MYBL2: variants seen among roughly 807,000 people sequenced by gnomAD.
MYBL2 encodes MYB proto-oncogene like 2.
Under a neutral mutation model 79.9 loss-of-function variants are expected in MYBL2, and 28 were observed. The ratio of observed to expected loss-of-function variants is 0.35; its 90% CI spans 0.26 to 0.48. The LOEUF (loss-of-function observed/expected upper bound fraction) is 0.48, where lower values mean the gene tolerates loss of function less well. Ranked by LOEUF, MYBL2 falls within the 20% of genes least tolerant of loss-of-function variation. MYBL2 has a pLI of 0.99. For synonymous variants in MYBL2, 378 were observed against 361.2 expected (o/e 1.05, Z -0.53); for missense variants, 735 against 893.9 (o/e 0.82, Z 2.27).
At chr20:43,694,824 G>T (rs922255231) in intron 6 of MYBL2, among the ~76,000 whole-genome samples, 1 of 152,110 alleles carries the variant, frequency 6.6e-6, no homozygotes, top group African/African-American at 2.4e-5. Flanking sequence ...AAAGGTCTCC[G>T]TTCCACAAAG....
At chr20:43,669,118 C>T (rs994748650) in intron 1 of MYBL2, among the ~76,000 whole-genome samples, 4 of 152,160 alleles carry the variant, frequency 2.6e-5, no homozygotes, top group African/African-American at 4.8e-5. Flanking sequence ...GGATTACAGG[C>T]GTGAGCCACC....
intron 1 of MYBL2, among the ~76,000 whole-genome samples, chr20:43,668,215 T>G (rs1382016113): frequency 7.1e-6 from 1 of 141,468 alleles, no homozygotes; most frequent in Non-Finnish European, 1.5e-5. Context: ...TTTTTTTTTT[T>G]TTTGAGAAGG....
intron 6 of MYBL2, among the ~76,000 whole-genome samples, chr20:43,694,830 CAA>C (rs1002164237): frequency 1.3e-5 from 2 of 152,172 alleles, no homozygotes; most frequent in Non-Finnish European, 2.9e-5. Context: ...CTCCGTTCCA[CAA>C]AGAGAAACAG....
intron 9 of MYBL2, among the ~76,000 whole-genome samples, chr20:43,708,559 A>T (rs1987839188): frequency 6.6e-6 from 1 of 151,742 alleles, no homozygotes; most frequent in African/African-American, 2.4e-5. Flanking sequence ...TAGCCTCTGG[A>T]GTAGTTGGGA....
At chr20:43,703,932 T>C (rs1342247542) in intron 8 of MYBL2, among the ~76,000 whole-genome samples, 1 of 152,156 alleles carries the variant, frequency 6.6e-6, no homozygotes, top group Non-Finnish European at 1.5e-5. Context: ...TGTGTCCTAA[T>C]CTATTATTTT....
intron 6 of MYBL2, among the ~76,000 whole-genome samples, chr20:43,697,685 C>T (rs757466576): frequency 2.0e-5 from 3 of 151,960 alleles, no homozygotes; most frequent in East Asian, 1.9e-4. Flanking sequence ...AGGCGGATCA[C>T]GAGGTCAGGA....
intron 2 of MYBL2, among the ~76,000 whole-genome samples, chr20:43,678,465 ACT>A (rs1362678913): frequency 1.3e-5 from 2 of 152,112 alleles, no homozygotes; most frequent in African/African-American, 4.8e-5. Context: ...GTTTTTTCTA[ACT>A]CTGAACTGGA....
intron 9 of MYBL2, among the ~76,000 whole-genome samples, chr20:43,707,172 CTCTT>C (rs1405500302): frequency 8.8e-5 from 13 of 147,836 alleles, no homozygotes; most frequent in East Asian, 2.0e-4. Flanking sequence ...AAGCGTGACT[CTCTT>C]TCTAGTTTTT....
intron 9 of MYBL2, among the ~76,000 whole-genome samples, chr20:43,707,161 A>G (rs1239647653): frequency 5.3e-5 from 8 of 150,568 alleles, no homozygotes; most frequent in African/African-American, 2.0e-4. Flanking sequence ...CCTAGGTGAC[A>G]AAGCGTGACT....
chr20:43,670,897 T>C (rs1185833080), intron 1 of MYBL2, among the ~76,000 whole-genome samples: 1 of 152,002 alleles, frequency 6.6e-6, no homozygotes, highest in Admixed American at 6.6e-5. Flanking sequence ...TCGGGTGGAG[T>C]TGGGGAAAGA....
intron 9 of MYBL2, 74 bp downstream of exon 9, chr20:43,705,432 T>G (rs1987758951): frequency 2.0e-6 from 3 of 1,482,054 alleles, no homozygotes; most frequent in Non-Finnish European, 2.7e-6. Context: ...TTGGGACCAC[T>G]GGTGGAACAG....
chr20:43,711,728 G>T, intron 11 of MYBL2, 127 bp downstream of exon 11: 2 of 760,690 alleles, frequency 2.6e-6, no homozygotes, highest in South Asian at 3.6e-5. Flanking sequence ...TATCCCCTTT[G>T]CCCCCTTTCG....
intron 8 of MYBL2, among the ~76,000 whole-genome samples, chr20:43,704,616 T>G (rs1382285292): frequency 2.0e-5 from 3 of 152,092 alleles, no homozygotes; most frequent in African/African-American, 7.2e-5. Flanking sequence ...GAGAGCGGGG[T>G]GCTTCAAAGG....
chr20:43,681,380 G>T (rs1227254853), intron 2 of MYBL2, among the ~76,000 whole-genome samples: 3 of 152,176 alleles, frequency 2.0e-5, no homozygotes, highest in Non-Finnish European at 4.4e-5. Context: ...CATGATAGAT[G>T]GTTGAACTGA....
At chr20:43,670,960 CTTTTTTTTCTTTTTTT>C (rs748570738) in intron 1 of MYBL2, among the ~76,000 whole-genome samples, 21 of 144,534 alleles carry the variant, frequency 1.5e-4, no homozygotes, top group East Asian at 2.0e-4. Flanking sequence ...CCTATGATTT[CTTTTTTTTCTTTTTTT>C]TTTTTTTTTT....
At chr20:43,670,960 C>CTT (rs766959084) in intron 1 of MYBL2, among the ~76,000 whole-genome samples, 1,879 of 144,248 alleles carry the variant, frequency 0.013, 122 homozygotes, top group African/African-American at 0.045. Context: ...CCTATGATTT[C>CTT]TTTTTTTTCT....
intron 2 of MYBL2, among the ~76,000 whole-genome samples, chr20:43,679,923 A>G (rs1987104943): frequency 6.6e-6 from 1 of 152,008 alleles, no homozygotes; most frequent in African/African-American, 2.4e-5. Context: ...AAAAAAAAAA[A>G]AAGGATGGAA....
chr20:43,682,059 C>T (rs1987156381), intron 3 of MYBL2, among the ~76,000 whole-genome samples: 1 of 152,262 alleles, frequency 6.6e-6, no homozygotes, highest in African/African-American at 2.4e-5. Context: ...AAACATCTTC[C>T]AGCTCCTCAG....
At chr20:43,696,778 G>A (rs1987552663) in intron 6 of MYBL2, among the ~76,000 whole-genome samples, 1 of 152,298 alleles carries the variant, frequency 6.6e-6, no homozygotes, top group South Asian at 2.1e-4. Context: ...CCAGGCTGGA[G>A]TGCAGTGGTG....
Sources: gnomAD v4.1 joint callset for allele counts (sites outside exome capture counted in the v4.1 genomes callset) on GRCh38, gnomAD v4.1.1 for gene constraint, MANE v1.5 for transcripts, NCBI Gene and HGNC (gene_info 2026-07-23, HGNC 2026-07-21) for gene names.